SEPTIN7: variants seen among roughly 807,000 people sequenced by gnomAD.
SEPTIN7 encodes septin 7.
A neutral mutation model predicts 63.3 loss-of-function variants in SEPTIN7; 10 were observed. The observed-to-expected ratio is 0.16, with a 90% confidence interval of 0.10 to 0.27. The LOEUF (loss-of-function observed/expected upper bound fraction) is 0.27, where lower values mean the gene tolerates loss of function less well. Among genes scored for constraint, SEPTIN7 ranks in the 10% least tolerant of loss-of-function variants. SEPTIN7 has a pLI of 1.00. For synonymous variants in SEPTIN7, 131 were observed against 165.3 expected, an observed-to-expected ratio of 0.79 and a Z score of 1.59; for missense variants, 310 against 521.0, an observed-to-expected ratio of 0.59 and a Z score of 3.94.
At chr7:35,813,967 A>G (rs574471432) in intron 1 of SEPTIN7, among the ~76,000 whole-genome samples, 146 of 152,280 alleles carry the variant, frequency 9.6e-4, no homozygotes, top group African/African-American at 3.5e-3. Context: ...TATTGCTGCT[A>G]AGTCATTAGT....
chr7:35,886,813 C>A (rs185661171), intron 10 of SEPTIN7, among the ~76,000 whole-genome samples: 1 of 152,206 alleles, frequency 6.6e-6, no homozygotes, highest in Admixed American at 6.5e-5. Flanking sequence ...AACAAGAGGT[C>A]ATTCTCAAGG....
intron 1 of SEPTIN7, chr7:35,802,392 G>T: frequency 6.1e-6 from 1 of 164,034 alleles, no homozygotes; most frequent in Non-Finnish European, 1.4e-5. Context: ...GTGACGTCCA[G>T]GTGTTTTCTT....
rs1039310874 is a variant in SEPTIN7 at position 35,822,659 on chromosome 7, G to A, written c.62-8833G>A. 3.3e-5 allele frequency among the ~76,000 whole-genome samples: 5 copies of A among 152,256 alleles called. 1 individual carries two copies. The South Asian group carries it at 6.2e-4, about 19-fold the overall frequency. ...CCCAGTTCCTAACAGGCCACAGACC[G>A]CTACCAGTCCATGGCCTGGAAGTTG... On this transcript the variant is annotated intron_variant, in intron 1 of 13. Coordinates refer to ENST00000350320, the MANE Select transcript of SEPTIN7 (RefSeq NM_001788.6).
chr7:35,815,101 G>C, intron 1 of SEPTIN7: 1 of 404,586 alleles, frequency 2.5e-6, no homozygotes, highest in Non-Finnish European at 4.9e-6. Context: ...AGACCTTTCA[G>C]GTGGCTCTTG....
intron 6 of SEPTIN7, among the ~76,000 whole-genome samples, chr7:35,876,583 A>C (rs960444670): frequency 5.9e-5 from 9 of 152,232 alleles, no homozygotes; most frequent in Non-Finnish European, 1.2e-4. Flanking sequence ...TACGCCTGTA[A>C]TCCCAGCACT....
chr7:35,804,834 TG>T lies in SEPTIN7; in HGVS notation c.61+3565del, dbSNP rs376913900. ...CAAATGGTAAGCGTGTTTCTTTTTTTGTTTTTTTTTTTTTTTTTTGAGACGT... is the reference window on the plus strand; with the variant it reads ...CAAATGGTAAGCGTGTTTCTTTTTTTTTTTTTTTTTTTTTTTTTGAGACGT... On this transcript the variant is annotated intron_variant, in intron 1 of 13. Transcript: ENST00000350320. 6.2e-4 allele frequency among the ~76,000 whole-genome samples: 90 copies of T among 145,674 alleles called. 3 individuals are homozygous for T. The highest frequency in any genetic ancestry group is 3.5e-3 in the Middle Eastern group (1 of 286).
chr7:35,901,513 TGTC>T (rs1207883989), intron 12 of SEPTIN7: 5 of 152,232 alleles, frequency 3.3e-5, no homozygotes, highest in Non-Finnish European at 5.9e-5. Flanking sequence ...TAAGCGGTGT[TGTC>T]GTTTTAATAA....
At chr7:35,858,895 G>T (rs992373595) in intron 3 of SEPTIN7, among the ~76,000 whole-genome samples, 12 of 149,688 alleles carry the variant, frequency 8.0e-5, no homozygotes, top group African/African-American at 2.7e-4. Flanking sequence ...GGTCAGGCTG[G>T]TCTTGAACTC....
chr7:35,845,704 T>G (rs1346136315), intron 3 of SEPTIN7, among the ~76,000 whole-genome samples: 1 of 152,208 alleles, frequency 6.6e-6, no homozygotes, highest in Non-Finnish European at 1.5e-5. Flanking sequence ...GTGCACTTGC[T>G]TTATGGTTGC....
At chr7:35,805,154 T>G (rs1788250946) in intron 1 of SEPTIN7, among the ~76,000 whole-genome samples, 1 of 152,220 alleles carries the variant, frequency 6.6e-6, no homozygotes, top group Admixed American at 6.5e-5. Context: ...AGTGCTGGGA[T>G]TATAGATGTG....
intron 1 of SEPTIN7, among the ~76,000 whole-genome samples, chr7:35,810,508 A>G (rs1788626089): frequency 6.6e-6 from 1 of 151,630 alleles, no homozygotes. Context: ...TGTTTTTAGT[A>G]GAGCCTGGGT....
intron 4 of SEPTIN7, among the ~76,000 whole-genome samples, chr7:35,869,330 C>T (rs1562562926): frequency 6.6e-6 from 1 of 152,130 alleles, no homozygotes; most frequent in Non-Finnish European, 1.5e-5. Flanking sequence ...TACTATTGGT[C>T]ACTTCCTCTT....
At chr7:35,835,186 A>G (rs1056038541) in intron 3 of SEPTIN7, among the ~76,000 whole-genome samples, 25 of 152,188 alleles carry the variant, frequency 1.6e-4, no homozygotes, top group African/African-American at 6.0e-4. Context: ...GTTAAGAGCC[A>G]TAGAAGTTTA....
intron 13 of SEPTIN7, among the ~76,000 whole-genome samples, chr7:35,904,040 GGA>G (rs1788480370): frequency 6.6e-6 from 1 of 151,980 alleles, no homozygotes; most frequent in African/African-American, 2.4e-5. Flanking sequence ...TGCTTATCCT[GGA>G]GTTTTGTCAA....
chr7:35,879,293 G>A (rs1356308399), intron 6 of SEPTIN7, among the ~76,000 whole-genome samples: 2 of 152,000 alleles, frequency 1.3e-5, no homozygotes, highest in Non-Finnish European at 2.9e-5. Context: ...CCTCCAGCCT[G>A]GGCAACCTGG....
rs1426447991 is a variant in SEPTIN7 at position 35,905,818 on chromosome 7, T to C, written c.*1525T>C. 1 of 152,242 alleles carries C rather than the reference T, an allele frequency of 6.6e-6. No individual in the cohort carries two copies. Among genetic ancestry groups the C allele is most frequent in the Admixed American group, 6.5e-5 (1 of 15,282 alleles). The allele number at this position is 152,242 out of a possible 1,614,324, so 9.4% of individuals were successfully genotyped here. A position where few individuals can be genotyped will look rare whatever the true frequency, so the allele number is the denominator to read the frequency against. The stretch of plus-strand genomic sequence containing the variant: ...AAGTCCCTGGAAACTGAAATTTTTT[T>C]TAACTGTAAAGAGGGTAGTGTCATT... On this transcript the variant is annotated 3_prime_UTR_variant, in exon 14 of 14. Transcript: ENST00000350320.
chr7:35,815,739 C>T (rs955014921), intron 1 of SEPTIN7, among the ~76,000 whole-genome samples: 1 of 152,006 alleles, frequency 6.6e-6, no homozygotes, highest in African/African-American at 2.4e-5. Context: ...TGTTCCACCC[C>T]CTTCAGTGTC....
intron 8 of SEPTIN7, 46 bp from the exon 9 acceptor site, chr7:35,883,845 T>G (rs748019990): frequency 9.1e-7 from 1 of 1,100,040 alleles, no homozygotes; most frequent in South Asian, 1.6e-5. Flanking sequence ...TTTGAATTTG[T>G]GAGGACTACA....
chr7:35,913,572 CTTCCTTCCTTCT>C, the SEPTIN7 span, among the ~76,000 whole-genome samples: 1 of 141,324 alleles, frequency 7.1e-6, no homozygotes, highest in Non-Finnish European at 1.5e-5. Flanking sequence ...TCTTTCTTTC[CTTCCTTCCTTCT>C]TTCCTTCCTT....
Sources: allele counts gnomAD v4.1 joint callset (sites outside exome capture counted in the v4.1 genomes callset), GRCh38; gene constraint gnomAD v4.1.1; transcripts MANE v1.5; gene names NCBI Gene and HGNC (gene_info 2026-07-23, HGNC 2026-07-21).